Variants in CNGA3 observed in about 807,000 individuals in gnomAD.
CNGA3 encodes cyclic nucleotide gated channel subunit alpha 3.
A neutral mutation model predicts 46.6 loss-of-function variants in CNGA3; 42 were observed. The ratio of observed to expected loss-of-function variants is 0.90; its 90% confidence interval spans 0.70 to 1.17. CNGA3 has a LOEUF of 1.17. Among genes scored for constraint, CNGA3 ranks in the 50% most tolerant of loss-of-function variants. CNGA3 has a pLI of 0.00. For missense variants in CNGA3, 893 were observed against 890.7 expected (o/e 1.00, Z -0.03); for synonymous variants, 394 against 369.4 (o/e 1.07, Z -0.76).
At chr2:98,358,262 A>G (rs1485258078) in intron 1 of CNGA3, among the ~76,000 whole-genome samples, 1 of 152,246 alleles carries the variant, frequency 6.6e-6, no homozygotes, top group Non-Finnish European at 1.5e-5. Flanking sequence ...GGCCTTTCCT[A>G]TAGGAATTGA....
At chr2:98,370,382 A>T (rs1460699771) in intron 2 of CNGA3, among the ~76,000 whole-genome samples, 1 of 152,130 alleles carries the variant, frequency 6.6e-6, no homozygotes, top group Non-Finnish European at 1.5e-5. Context: ...AACTTCCTCA[A>T]ACTGACACAC....
At chr2:98,367,168 T>TTTATTTTCTTTC (rs1247670386) in intron 1 of CNGA3, among the ~76,000 whole-genome samples, 4 of 113,406 alleles carry the variant, frequency 3.5e-5, no homozygotes, top group African/African-American at 9.2e-5. Context: ...ACATCAGCTG[T>TTTATTTTCTTTC]TTTTTTTCTT....
chr2:98,355,248 G>A (rs17030369), intron 1 of CNGA3, among the ~76,000 whole-genome samples: 4,594 of 152,182 alleles, frequency 0.03, 226 homozygotes, highest in African/African-American at 0.1. Flanking sequence ...TCTGAGTTTC[G>A]AAGTGTCCTT....
intron 7 of CNGA3, among the ~76,000 whole-genome samples, chr2:98,393,009 G>A (rs1241079870): frequency 6.6e-6 from 1 of 152,198 alleles, no homozygotes; most frequent in Admixed American, 6.5e-5. Flanking sequence ...GCAGGCACCT[G>A]TAATCCCAGC....
At position 98,378,113 on chromosome 2, in the gene CNGA3, C is replaced by A. The variant is rs114534586; in HGVS notation, c.215+313C>A. ...GGAGAAGGTGGTAAGAGCAGCCAGC[C>A]GTGGGAGACCTTTGATTGGGTGGAC... On this transcript the variant is annotated intron_variant, in intron 3 of 7. Coordinates refer to ENST00000272602, the MANE Select transcript of CNGA3 (RefSeq NM_001298.3). The A allele has an allele frequency of 1.0e-3, 1,599 of 1,550,866 alleles. 13 individuals are homozygous for A. In the African/African-American group the frequency reaches 0.018, roughly 18 times the overall value.
intron 2 of CNGA3, among the ~76,000 whole-genome samples, chr2:98,372,345 G>A (rs1558809386): frequency 1.3e-5 from 2 of 152,226 alleles, no homozygotes; most frequent in South Asian, 4.1e-4. Context: ...CTGGCCTCTG[G>A]CTTCTGGCAG....
Position 98,396,644 on chromosome 2 carries a change from G to C in CNGA3, c.1474G>C (p.Val492Leu). The C allele has an allele frequency of 6.2e-7, 1 of 1,614,172 alleles. No individual in the cohort carries two copies. The highest frequency in any genetic ancestry group is 1.6e-4 in the Middle Eastern group (1 of 6,062). Residue 492 changes from valine to leucine, a missense_variant, in exon 8 of 8, where the codon GTG becomes CTG. Val to Leu is a conservative substitution (Grantham distance 32, BLOSUM62 1). Transcript: ENST00000272602. ...IFQDCEAGLLVELVLKLRPTV... is the reference protein window; with the variant it reads ...IFQDCEAGLLLELVLKLRPTV... ...CCAGGACTGTGAGGCAGGGCTGCTG[G>C]TGGAGCTGGTGCTGAAGCTGCGACC... is the stretch of plus-strand genomic sequence containing the variant.
intron 5 of CNGA3, among the ~76,000 whole-genome samples, chr2:98,387,727 C>T (rs923191281): frequency 6.6e-6 from 1 of 152,190 alleles, no homozygotes; most frequent in African/African-American, 2.4e-5. Context: ...CCACTACATG[C>T]GTCACAGACC....
Position 98,397,024 on chromosome 2 carries a change from G to A in CNGA3, c.1854G>A (p.Arg618=), listed in dbSNP as rs1436416672. The A allele has an allele frequency of 6.2e-7, 1 of 1,613,994 alleles. No individual in the cohort carries two copies. The highest frequency in any genetic ancestry group is 8.5e-7 in the Non-Finnish European group (1 of 1,179,948). The change falls in exon 8 of 8, where the codon AGG becomes AGA. Residue 618 remains arginine, a synonymous_variant. Transcript: ENST00000272602. ...KDNLIDEELA[R]AGADPKDLEE... is the part of the protein sequence containing the mutation. ...ACCTGATCGATGAGGAGCTGGCCAGGGCGGGCGCGGACCCCAAGGACCTTG... is the reference window on the plus strand; with the variant it reads ...ACCTGATCGATGAGGAGCTGGCCAGAGCGGGCGCGGACCCCAAGGACCTTG...
chr2:98,394,064 T>TA (rs1268372608), intron 7 of CNGA3, among the ~76,000 whole-genome samples: 2 of 151,730 alleles, frequency 1.3e-5, no homozygotes, highest in Non-Finnish European at 2.9e-5. Context: ...TTGCTAGACT[T>TA]GCCCCCAACT....
At chr2:98,349,531 C>T (rs1691729399) in intron 1 of CNGA3, among the ~76,000 whole-genome samples, 1 of 152,190 alleles carries the variant, frequency 6.6e-6, no homozygotes, top group Admixed American at 6.5e-5. Context: ...ACTCATTGAG[C>T]ACCTCCTTAG....
chr2:98,387,919 T>G (rs543800917), intron 5 of CNGA3, among the ~76,000 whole-genome samples: 133 of 152,202 alleles, frequency 8.7e-4, no homozygotes, highest in African/African-American at 3.1e-3. Context: ...ATGTGTGGAT[T>G]TGGGTCTATG....
chr2:98,374,829 G>A (rs1692368156), intron 2 of CNGA3, among the ~76,000 whole-genome samples: 2 of 152,364 alleles, frequency 1.3e-5, no homozygotes, highest in African/African-American at 2.4e-5. Context: ...GGGAAAAAAT[G>A]GGCCCCCCCA....
At chr2:98,373,264 G>T (rs1025654363) in intron 2 of CNGA3, among the ~76,000 whole-genome samples, 1 of 152,222 alleles carries the variant, frequency 6.6e-6, no homozygotes, top group Non-Finnish European at 1.5e-5. Flanking sequence ...AAATTTTTAA[G>T]TTTCAAATCA....
rs758317631 is a variant in CNGA3 at position 98,346,509 on chromosome 2, C to A, written c.-63C>A. Reference sequence around the variant, plus strand: ...AGGCGCTCCGCAGACCCTGGCGCGCCGCGGAGAAGCTCAAACTTTGGCAGG... The same window carrying A: ...AGGCGCTCCGCAGACCCTGGCGCGCAGCGGAGAAGCTCAAACTTTGGCAGG... On this transcript the variant is annotated 5_prime_UTR_variant, in exon 1 of 8. Coordinates refer to ENST00000272602, the MANE Select transcript of CNGA3 (RefSeq NM_001298.3). 7.0e-5 allele frequency: 28 copies of A among 398,214 alleles called. No individual in the cohort carries two copies. Among genetic ancestry groups the A allele is most frequent in the South Asian group, 1.3e-4 (1 of 7,814 alleles). The allele number at this position is 398,214 out of a possible 1,614,324, so 24.7% of individuals were successfully genotyped here. A position where few individuals can be genotyped will look rare whatever the true frequency, so the allele number is the denominator to read the frequency against.
intron 1 of CNGA3, among the ~76,000 whole-genome samples, chr2:98,358,043 C>T (rs1020157620): frequency 1.1e-4 from 16 of 152,236 alleles, no homozygotes; most frequent in African/African-American, 3.9e-4. Flanking sequence ...AAGTGCCTCG[C>T]ACCCAGGGGG....
chr2:98,370,827 T>C (rs1335855650), intron 2 of CNGA3, among the ~76,000 whole-genome samples: 2 of 152,344 alleles, frequency 1.3e-5, no homozygotes, highest in Admixed American at 6.5e-5. Flanking sequence ...TCTTTGTTTT[T>C]AGTTTTTTCC....
At chr2:98,376,721 G>A (rs1692413225) in intron 2 of CNGA3, among the ~76,000 whole-genome samples, 1 of 152,188 alleles carries the variant, frequency 6.6e-6, no homozygotes, top group African/African-American at 2.4e-5. Context: ...GGTTGGAACA[G>A]GTCATGTGAT....
intron 1 of CNGA3, among the ~76,000 whole-genome samples, chr2:98,352,102 A>T (rs1691781237): frequency 6.6e-6 from 1 of 152,154 alleles, no homozygotes; most frequent in Non-Finnish European, 1.5e-5. Context: ...ATGTACATGA[A>T]ATTATATATT....
Sources: gnomAD v4.1 joint callset for allele counts (sites outside exome capture counted in the v4.1 genomes callset) on GRCh38, gnomAD v4.1.1 for gene constraint, MANE v1.5 for transcripts, NCBI Gene and HGNC (gene_info 2026-07-23, HGNC 2026-07-21) for gene names.